The following CLEC16A variants were observed in gnomAD, a reference collection of about 807,000 sequenced individuals.
CLEC16A encodes C-type lectin domain containing 16A, also known as protein CLEC16A.
Under a neutral mutation model 109.5 loss-of-function variants are expected in CLEC16A, and 51 were observed. The observed-to-expected ratio is 0.47, with a 90% CI of 0.37 to 0.59. The LOEUF (loss-of-function observed/expected upper bound fraction) is 0.59. Among genes scored for constraint, CLEC16A ranks in the 20% least tolerant of loss-of-function variants. The probability of loss-of-function intolerance (pLI) is 0.00; values close to 1 mark genes in which losing one functional copy is unlikely to be tolerated. For synonymous variants in CLEC16A, 673 were observed against 564.2 expected (o/e 1.19, Z -2.73); for missense variants, 1,339 against 1,394.0 (o/e 0.96, Z 0.63).
chr16:11,144,775 G>A (rs942425318), intron 22 of CLEC16A, among the ~76,000 whole-genome samples: 10 of 152,226 alleles, frequency 6.6e-5, no homozygotes, highest in African/African-American at 2.4e-4. Context: ...TAGCGTGCTT[G>A]GGGTAGGAGG....
intron 19 of CLEC16A, among the ~76,000 whole-genome samples, chr16:11,087,810 C>A (rs368638325): frequency 1.3e-5 from 2 of 152,264 alleles, no homozygotes; most frequent in African/African-American, 2.4e-5. Flanking sequence ...GAGGACGGGG[C>A]TTGCCCAGGT....
intron 19 of CLEC16A, among the ~76,000 whole-genome samples, chr16:11,113,392 A>C (rs2051733683): frequency 6.6e-6 from 1 of 151,294 alleles, no homozygotes; most frequent in Admixed American, 6.6e-5. Flanking sequence ...GTAGAAACTA[A>C]AATCGGCCTG....
intron 9 of CLEC16A, among the ~76,000 whole-genome samples, chr16:10,979,978 C>T (rs1331817224): frequency 1.3e-5 from 2 of 152,138 alleles, no homozygotes; most frequent in African/African-American, 4.8e-5. Context: ...AAGGGAAAAA[C>T]TCCATGGCGA....
At chr16:11,125,713 G>A (rs945831019) in intron 21 of CLEC16A, among the ~76,000 whole-genome samples, 1 of 152,138 alleles carries the variant, frequency 6.6e-6, no homozygotes, top group African/African-American at 2.4e-5. Context: ...CATTCCACTC[G>A]AGGAGCCCAG....
At chr16:11,080,345 G>A (rs897832344) in intron 19 of CLEC16A, among the ~76,000 whole-genome samples, 4 of 152,176 alleles carry the variant, frequency 2.6e-5, no homozygotes, top group Admixed American at 2.0e-4. Context: ...GGGGTGGGTG[G>A]GTAAACAGGG....
intron 22 of CLEC16A, among the ~76,000 whole-genome samples, chr16:11,148,738 G>T (rs917602558): frequency 3.3e-5 from 5 of 152,176 alleles, no homozygotes; most frequent in African/African-American, 1.2e-4. Context: ...GGAAAGCACA[G>T]CCATCTTGTA....
intron 22 of CLEC16A, among the ~76,000 whole-genome samples, chr16:11,145,609 G>A (rs1429006547): frequency 6.6e-6 from 1 of 152,272 alleles, no homozygotes; most frequent in Non-Finnish European, 1.5e-5. Flanking sequence ...TGCAGCCAAA[G>A]CAGCTGTAGA....
intron 11 of CLEC16A, among the ~76,000 whole-genome samples, chr16:11,003,984 A>AT (rs1445043413): frequency 2.0e-5 from 3 of 152,070 alleles, no homozygotes; most frequent in African/African-American, 7.2e-5. Flanking sequence ...AAAAAAAAAA[A>AT]AAAAAGTGTT....
intron 1 of CLEC16A, 119 bp from the exon 2 acceptor site, chr16:10,957,663 C>G: frequency 1.0e-6 from 1 of 990,452 alleles, no homozygotes; most frequent in Non-Finnish European, 1.5e-6. Context: ...TGGGAAATTG[C>G]ATTACCCAAA....
intron 7 of CLEC16A, among the ~76,000 whole-genome samples, chr16:10,975,465 A>G (rs1185769426): frequency 1.3e-5 from 2 of 152,212 alleles, no homozygotes; most frequent in African/African-American, 4.8e-5. Flanking sequence ...CAAAGTATTA[A>G]AAAGTGAGGC....
intron 19 of CLEC16A, among the ~76,000 whole-genome samples, chr16:11,111,583 T>C (rs1170020427): frequency 2.0e-5 from 3 of 152,190 alleles, no homozygotes; most frequent in Non-Finnish European, 4.4e-5. Context: ...AGGTAAGAAA[T>C]ATTGCTGTGG....
At chr16:11,055,372 G>A (rs1270466078) in intron 18 of CLEC16A, among the ~76,000 whole-genome samples, 1 of 151,980 alleles carries the variant, frequency 6.6e-6, no homozygotes, top group Non-Finnish European at 1.5e-5. Context: ...ATGAGGAGGA[G>A]CCAGGAAGGT....
chr16:11,151,925 C>A (rs754831940), intron 22 of CLEC16A, among the ~76,000 whole-genome samples: 1 of 152,034 alleles, frequency 6.6e-6, no homozygotes, highest in Non-Finnish European at 1.5e-5. Context: ...GGGTGAGGAA[C>A]CCGGGAAGTG....
At chr16:10,975,302 C>T (rs1215603468) in intron 7 of CLEC16A, among the ~76,000 whole-genome samples, 2 of 152,078 alleles carry the variant, frequency 1.3e-5, no homozygotes, top group African/African-American at 2.4e-5. Context: ...GCACTCCAGC[C>T]TGGGTGACAG....
chr16:11,090,996 C>T (rs1468005227), intron 19 of CLEC16A, among the ~76,000 whole-genome samples: 1 of 152,024 alleles, frequency 6.6e-6, no homozygotes, highest in Non-Finnish European at 1.5e-5. Flanking sequence ...GATGAGGTCT[C>T]ACTACGTTGC....
rs1270555745 is a variant in CLEC16A at position 11,003,315 on chromosome 16, C to T, written c.1303+10C>T. 4 of 1,606,072 alleles carry T rather than the reference C, an allele frequency of 2.5e-6. No individual in the cohort carries two copies. The East Asian group carries it at 8.9e-5, about 36-fold the overall frequency. ...AGTGGGGAGAGTGAAGGTGAGTGTC[C>T]CCATGAACGCCGCCCTGTGCCTGCG... is the stretch of plus-strand genomic sequence containing the variant. On this transcript the variant is annotated intron_variant, in intron 11 of 23. Transcript: ENST00000409790.
rs576994528 is a variant in CLEC16A at position 11,167,206 on chromosome 16, CA to C, written c.2806+655del. On this transcript the variant is annotated intron_variant, in intron 23 of 23. Transcript: ENST00000409790. ...GTGAGATGTGGGGAAGTACAGACAC[CA>C]GGCCTCTGGCACAACATGGCCCCAA... is the stretch of plus-strand genomic sequence containing the variant. 8.5e-5 allele frequency among the ~76,000 whole-genome samples: 13 copies of C among 152,286 alleles called. No homozygotes were observed. The East Asian group carries it at 2.5e-3, about 29-fold the overall frequency.
intron 19 of CLEC16A, among the ~76,000 whole-genome samples, chr16:11,074,832 G>A (rs913386765): frequency 6.6e-6 from 1 of 152,128 alleles, no homozygotes; most frequent in Non-Finnish European, 1.5e-5. Flanking sequence ...AGAGAAATGA[G>A]GCATTTGAGT....
At chr16:11,055,470 A>G (rs997973981) in intron 18 of CLEC16A, among the ~76,000 whole-genome samples, 1 of 151,256 alleles carries the variant, frequency 6.6e-6, no homozygotes, top group South Asian at 2.1e-4. Flanking sequence ...TTCAAGGAGC[A>G]TAGTTAAGTG....
Sources: gnomAD v4.1 joint callset for allele counts (sites outside exome capture counted in the v4.1 genomes callset) on GRCh38, gnomAD v4.1.1 for gene constraint, MANE v1.5 for transcripts, NCBI Gene and HGNC (gene_info 2026-07-23, HGNC 2026-07-21) for gene names.